TENM2: variants seen among roughly 807,000 people sequenced by gnomAD.
The protein encoded by TENM2 is teneurin-2.
Under a neutral mutation model 245.2 loss-of-function variants are expected in TENM2, and 52 were observed. That is an observed-to-expected ratio of 0.21 (90% CI 0.17 to 0.27). The LOEUF (loss-of-function observed/expected upper bound fraction) is 0.27, where lower values mean the gene tolerates loss of function less well. Ranked by LOEUF, TENM2 falls within the 10% of genes least tolerant of loss-of-function variation. TENM2 has a pLI of 1.00. For missense variants in TENM2, 3,046 were observed against 3,666.8 expected (o/e 0.83, Z 4.37); for synonymous variants, 1,363 against 1,438.9 (o/e 0.95, Z 1.19).
In TENM2 at chr5:168,162,525, G is replaced by A. The variant is rs1581497290; in HGVS notation, c.2423-86G>A. ...GAGGCTGGCCCAGCGGCTGCCCTGC[G>A]GCCTTGCTCCCCTCTGCATGGCTCC... On this transcript the variant is annotated intron_variant, in intron 12 of 28. Coordinates refer to ENST00000518659, the Ensembl canonical transcript of TENM2. The A allele has an allele frequency of 1.5e-5, 22 of 1,454,704 alleles. No individual in the cohort carries two copies. In the South Asian group the frequency reaches 1.8e-4, roughly 12 times the overall value. The allele number at this position is 1,454,704 out of a possible 1,614,324, so 90.1% of individuals were successfully genotyped here. A position where few individuals can be genotyped will look rare whatever the true frequency, so the allele number is the denominator to read the frequency against.
At chr5:167,654,119 C>CTT (rs201411837) in intron 2 of TENM2, among the ~76,000 whole-genome samples, 16 of 148,012 alleles carry the variant, frequency 1.1e-4, no homozygotes, top group African/African-American at 2.7e-4. Flanking sequence ...CTTTTACTAA[C>CTT]TTTTTTTTTT....
At chr5:167,057,002 G>A in the TENM2 span, among the ~76,000 whole-genome samples, 1 of 151,378 alleles carries the variant, frequency 6.6e-6, no homozygotes, top group African/African-American at 2.4e-5. Flanking sequence ...TGCAGTTCTT[G>A]GATATTCTGT....
intron 2 of TENM2, among the ~76,000 whole-genome samples, chr5:167,523,616 T>C (rs572945449): frequency 6.6e-6 from 1 of 152,280 alleles, no homozygotes; most frequent in African/African-American, 2.4e-5. Flanking sequence ...AAAACTATTC[T>C]ATGCGCCACA....
the TENM2 span, among the ~76,000 whole-genome samples, chr5:167,227,551 T>G: frequency 6.6e-6 from 1 of 152,132 alleles, no homozygotes; most frequent in African/African-American, 2.4e-5. Flanking sequence ...CTGGGTAAAT[T>G]TTTTTTCTCT....
At chr5:168,081,664 G>A (rs1388645378) in intron 7 of TENM2, among the ~76,000 whole-genome samples, 2 of 152,140 alleles carry the variant, frequency 1.3e-5, no homozygotes, top group Non-Finnish European at 2.9e-5. Context: ...TGTCTGTAAA[G>A]GATTTTATTT....
intron 2 of TENM2, among the ~76,000 whole-genome samples, chr5:167,851,852 G>T (rs1770611711): frequency 6.6e-6 from 1 of 152,120 alleles, no homozygotes; most frequent in African/African-American, 2.4e-5. Context: ...AGGAATTATT[G>T]TCTCTTTTAG....
At chr5:167,690,593 C>A (rs1016707663) in intron 2 of TENM2, among the ~76,000 whole-genome samples, 2 of 152,054 alleles carry the variant, frequency 1.3e-5, no homozygotes, top group Admixed American at 1.3e-4. Flanking sequence ...GTTATCCAGG[C>A]CTTGGTTTTT....
intron 4 of TENM2, among the ~76,000 whole-genome samples, chr5:167,955,752 G>A (rs75473758): frequency 0.99 from 151,380 of 152,348 alleles, 75,209 homozygotes; most frequent in East Asian, 1. Flanking sequence ...TGTTTCCATC[G>A]GGTTTGTCAA....
intron 2 of TENM2, among the ~76,000 whole-genome samples, chr5:167,848,747 A>T (rs915720675): frequency 6.6e-6 from 1 of 152,040 alleles, no homozygotes; most frequent in African/African-American, 2.4e-5. Context: ...TGTTATTTCC[A>T]TTTATGGTTG....
chr5:167,510,250 C>G (rs570729768), intron 2 of TENM2, among the ~76,000 whole-genome samples: 1 of 152,176 alleles, frequency 6.6e-6, no homozygotes, highest in Non-Finnish European at 1.5e-5. Flanking sequence ...GTGACTTTCT[C>G]TTATGTCTTC....
At chr5:167,490,086 G>A (rs932300714) in intron 2 of TENM2, among the ~76,000 whole-genome samples, 3 of 152,060 alleles carry the variant, frequency 2.0e-5, no homozygotes, top group African/African-American at 7.2e-5. Flanking sequence ...CAAAGCATAT[G>A]CTGATTCTAC....
the TENM2 span, among the ~76,000 whole-genome samples, chr5:167,023,716 G>A: frequency 2.0e-5 from 3 of 152,160 alleles, no homozygotes; most frequent in African/African-American, 7.2e-5. Context: ...AAGCAAACAT[G>A]TTCTCTGAGA....
chr5:167,765,964 A>C (rs1442598340), intron 2 of TENM2, among the ~76,000 whole-genome samples: 3 of 152,218 alleles, frequency 2.0e-5, no homozygotes, highest in Non-Finnish European at 4.4e-5. Context: ...GGGATCAAGC[A>C]AACACTGTTG....
chr5:167,985,601 A>C (rs1783184631), intron 4 of TENM2, among the ~76,000 whole-genome samples: 1 of 152,114 alleles, frequency 6.6e-6, no homozygotes, highest in South Asian at 2.1e-4. Context: ...TGAGAGAGAG[A>C]GAGGAAGAGA....
chr5:167,007,535 C>T, the TENM2 span, among the ~76,000 whole-genome samples: 1 of 152,214 alleles, frequency 6.6e-6, no homozygotes, highest in Non-Finnish European at 1.5e-5. This position sits in a 1 kb window ranked among gnomAD's most constrained non-coding sequence, Gnocchi z 4.2. Flanking sequence ...TTTCCCATCC[C>T]TGCTGTCCTG....
chr5:167,192,595 T>C, the TENM2 span, among the ~76,000 whole-genome samples: 4 of 152,050 alleles, frequency 2.6e-5, no homozygotes, highest in African/African-American at 7.2e-5. Context: ...GTGTGATCTA[T>C]TGAATTCAAA....
the TENM2 span, among the ~76,000 whole-genome samples, chr5:167,262,310 A>G: frequency 6.6e-6 from 1 of 151,686 alleles, no homozygotes; most frequent in Non-Finnish European, 1.5e-5. Flanking sequence ...GTGGGCTGGG[A>G]TCACGCCCTT....
At chr5:167,222,865 G>A in the TENM2 span, among the ~76,000 whole-genome samples, 1 of 152,088 alleles carries the variant, frequency 6.6e-6, no homozygotes, top group Admixed American at 6.6e-5. Flanking sequence ...GAAAAATGCA[G>A]ATATATGAAC....
intron 2 of TENM2, among the ~76,000 whole-genome samples, chr5:167,560,527 G>A (rs1248470821): frequency 2.6e-5 from 4 of 152,094 alleles, no homozygotes; most frequent in African/African-American, 9.7e-5. Context: ...GGAGCTCTGG[G>A]TTTAGGCATA....
Sources: allele counts gnomAD v4.1 joint callset (sites outside exome capture counted in the v4.1 genomes callset), GRCh38; gene constraint gnomAD v4.1.1; non-coding constraint Gnocchi (gnomAD v3.1); transcripts MANE v1.5; gene names NCBI Gene and HGNC (gene_info 2026-07-23, HGNC 2026-07-21).